Variants in WDR12 observed in about 807,000 individuals in gnomAD.
The protein encoded by WDR12 is WD repeat domain 12, also known as ribosome biogenesis protein WDR12.
WDR12 carries 42 observed loss-of-function variants against 64.3 expected under a neutral mutation model. The observed-to-expected ratio is 0.65, with a 90% CI of 0.51 to 0.84. The LOEUF is 0.84. WDR12 is among the 40% of genes least tolerant of loss of function. The probability of loss-of-function intolerance (pLI) is 0.00; values close to 1 mark genes in which losing one functional copy is unlikely to be tolerated. For synonymous variants in WDR12, 158 were observed against 173.3 expected (o/e 0.91, Z 0.70); for missense variants, 469 against 494.6 (o/e 0.95, Z 0.49).
chr2:202,888,752 G>C (rs371107137), intron 8 of WDR12, among the ~76,000 whole-genome samples: 1 of 151,786 alleles, frequency 6.6e-6, no homozygotes, highest in African/African-American at 2.4e-5. Context: ...TCACTCTGTC[G>C]CCCAAACTGG....
In WDR12 at chr2:202,894,452, C is replaced by T. The variant is rs894444084; in HGVS notation, c.655+129G>A. ...GCCTAGGCTGCTCTTGAACTCGTGGCCTCAAGTGATCCTTCTACCCTGGCT... is the reference window on the plus strand; with the variant it reads ...GCCTAGGCTGCTCTTGAACTCGTGGTCTCAAGTGATCCTTCTACCCTGGCT... On this transcript the variant is annotated intron_variant, in intron 7 of 12. Transcript: ENST00000261015. 3 of 691,258 alleles carry T rather than the reference C, an allele frequency of 4.3e-6. No homozygotes were observed. In the Admixed American group the frequency reaches 1.0e-4, roughly 23 times the overall value. The allele number at this position is 691,258 out of a possible 1,614,324, so 42.8% of individuals were successfully genotyped here. A position where few individuals can be genotyped will look rare whatever the true frequency, so the allele number is the denominator to read the frequency against.
intron 6 of WDR12, among the ~76,000 whole-genome samples, chr2:202,895,697 T>A (rs1175322121): frequency 1.1e-4 from 17 of 149,832 alleles, no homozygotes; most frequent in African/African-American, 2.2e-4. Context: ...TTATTTTTTT[T>A]TTTTTTTTTT....
chr2:202,883,596 A>G lies in WDR12; in HGVS notation c.1121+13T>C. On this transcript the variant is annotated intron_variant, in intron 11 of 12. Transcript: ENST00000261015. ...TTGATATGTTTCTCTTATAGATCAT[A>G]AATAGAATTTACCTTCTTGTATCCC... 6.2e-7 allele frequency: 1 copy of G among 1,611,686 alleles called. No individual in the cohort carries two copies. Among genetic ancestry groups the G allele is most frequent in the South Asian group, 1.1e-5 (1 of 90,786 alleles).
chr2:202,881,178 T>C (rs971454170), intron 12 of WDR12, among the ~76,000 whole-genome samples: 8 of 152,210 alleles, frequency 5.3e-5, no homozygotes, highest in African/African-American at 1.9e-4. Flanking sequence ...GCTGTTGCAC[T>C]TTCTATAAAG....
At chr2:202,903,835 T>C (rs1176616466) in intron 2 of WDR12, among the ~76,000 whole-genome samples, 1 of 151,656 alleles carries the variant, frequency 6.6e-6, no homozygotes, top group Non-Finnish European at 1.5e-5. Context: ...CTATAAAACA[T>C]CGATGAAAGA....
chr2:202,897,908 A>AATATATATACATATAT (rs1688279566), intron 4 of WDR12, among the ~76,000 whole-genome samples: 1 of 40,054 alleles, frequency 2.5e-5, no homozygotes, highest in Non-Finnish European at 5.0e-5. Context: ...AAAAAAAAAA[A>AATATATATACATATAT]ATATATATAT....
At position 202,876,807 on chromosome 2, in the gene WDR12, C is replaced by A. The variant is rs955980138; in HGVS notation, c.*4053G>T. 6.6e-6 allele frequency: 1 copy of A among 152,142 alleles called. No homozygotes were observed. The highest frequency in any genetic ancestry group is 1.5e-5 in the Non-Finnish European group (1 of 68,046). 9.4% of individuals were successfully genotyped at this position (152,142 alleles called of 1,614,324 possible). On this transcript the variant is annotated 3_prime_UTR_variant, in exon 13 of 13. Coordinates refer to ENST00000261015, the MANE Select transcript of WDR12 (RefSeq NM_018256.4). ...AAAATCAGCCAGATGTGGTGACATGCGCCTGTGGTCCTAGTTAGGAGGATG... is the reference window on the plus strand; with the variant it reads ...AAAATCAGCCAGATGTGGTGACATGAGCCTGTGGTCCTAGTTAGGAGGATG...
At position 202,897,348 on chromosome 2, in the gene WDR12, T is replaced by C. The variant is rs200857010; in HGVS notation, c.406A>G (p.Ile136Val). 1.6e-5 allele frequency: 26 copies of C among 1,599,126 alleles called. No individual in the cohort carries two copies. The East Asian group carries it at 5.1e-4, about 31-fold the overall frequency. The part of the protein sequence containing the change: ...WSLEGKSIMT[I>V]VGHTDVVKDV... ...TTTACAACATCCGTATGTCCCACAATTGTCATTATTGACTTTCCTTCCAAG... is the reference window on the plus strand; with the variant it reads ...TTTACAACATCCGTATGTCCCACAACTGTCATTATTGACTTTCCTTCCAAG... Residue 136 changes from isoleucine (I) to valine (V), a missense_variant, in exon 5 of 13, where the codon ATT becomes GTT. Transcript: ENST00000261015.
At position 202,901,096 on chromosome 2, in the gene WDR12, C is replaced by T. The variant is rs368996373; in HGVS notation, c.160G>A (p.Asp54Asn). The change falls in exon 3 of 13, where the codon GAT (aspartate) becomes AAT (asparagine). Residue 54 changes from aspartate (D) to asparagine (N), a missense_variant. Coordinates refer to ENST00000261015, the MANE Select transcript of WDR12 (RefSeq NM_018256.4). ...AGAAACTGGCCCTTAATAAGGAAATCAAACTCCACATGTTTGTGGAACTCT... is the reference window on the plus strand; with the variant it reads ...AGAAACTGGCCCTTAATAAGGAAATTAAACTCCACATGTTTGTGGAACTCT... The part of the protein sequence containing the change: ...KNEFHKHVEF[D>N]FLIKGQFLRM... 5.0e-6 allele frequency: 8 copies of T among 1,598,792 alleles called. No homozygotes were observed. Among genetic ancestry groups the T allele is most frequent in the Non-Finnish European group, 6.8e-6 (8 of 1,169,590 alleles).
Position 202,879,414 on chromosome 2 carries a change from T to C in WDR12, c.*1446A>G, listed in dbSNP as rs191259735. 19 of 151,842 alleles carry C rather than the reference T, an allele frequency of 1.3e-4. No individual in the cohort carries two copies. Among genetic ancestry groups the C allele is most frequent in the African/African-American group, 4.3e-4 (18 of 41,382 alleles). 9.4% of individuals were successfully genotyped at this position (151,842 alleles called of 1,614,324 possible). A position where few individuals can be genotyped will look rare whatever the true frequency, so the allele number is the denominator to read the frequency against. ...AATATCTTGATGAATTCTTCAAAAA[T>C]TGGCAATCTACTTGTCTTTATTTTG... On this transcript the variant is annotated 3_prime_UTR_variant, in exon 13 of 13. Coordinates refer to ENST00000261015, the MANE Select transcript of WDR12 (RefSeq NM_018256.4).
Position 202,894,565 on chromosome 2 carries a change from TA to T in WDR12, c.655+15del. Reference sequence around the variant, plus strand: ...ACAACATTATTAAGTCAAGGTAAAATAAATATTTAATTTACCTGTAGACCAG... The same window carrying T: ...ACAACATTATTAAGTCAAGGTAAAATAATATTTAATTTACCTGTAGACCAG... On this transcript the variant is annotated intron_variant, in intron 7 of 12. Coordinates refer to ENST00000261015, the MANE Select transcript of WDR12 (RefSeq NM_018256.4). The T allele has an allele frequency of 6.3e-7, 1 of 1,591,074 alleles. No homozygotes were observed. Among genetic ancestry groups the T allele is most frequent in the Non-Finnish European group, 8.5e-7 (1 of 1,170,428 alleles).
chr2:202,896,413 G>A (rs1688243386), intron 5 of WDR12, among the ~76,000 whole-genome samples, 194 bp from the exon 6 acceptor site: 1 of 151,920 alleles, frequency 6.6e-6, no homozygotes, highest in African/African-American at 2.4e-5. Flanking sequence ...ACGATGACTG[G>A]GTGTGGTGGC....
chr2:202,898,870 A>G (rs1418238697), intron 4 of WDR12, among the ~76,000 whole-genome samples: 1 of 151,350 alleles, frequency 6.6e-6, no homozygotes, highest in Non-Finnish European at 1.5e-5. Context: ...CCACCTATTC[A>G]GGAGGCTGAG....
chr2:202,901,135 A>C lies in WDR12; in HGVS notation c.137-16T>G, dbSNP rs747408426. ...TTGTGGAACTCTGAGGAAAATACAT[A>C]ACAAAATTATCACTCTTAGTGTCTA... On this transcript the variant is annotated splice_polypyrimidine_tract_variant and intron_variant, in intron 2 of 12. Coordinates refer to ENST00000261015, the MANE Select transcript of WDR12 (RefSeq NM_018256.4). 1 of 1,577,612 alleles carries C rather than the reference A, an allele frequency of 6.3e-7. No individual in the cohort carries two copies. The highest frequency in any genetic ancestry group is 8.7e-7 in the Non-Finnish European group (1 of 1,153,200).
intron 2 of WDR12, among the ~76,000 whole-genome samples, chr2:202,903,855 GGGCTGGGTGCAGT>G (rs1211780797): frequency 1.3e-5 from 2 of 151,978 alleles, no homozygotes; most frequent in African/African-American, 4.8e-5. Flanking sequence ...ACATTGAAGA[GGGCTGGGTGCAGT>G]GGCTCATGCC....
intron 8 of WDR12, among the ~76,000 whole-genome samples, chr2:202,890,372 G>T (rs970440293): frequency 2.0e-5 from 3 of 152,190 alleles, no homozygotes; most frequent in African/African-American, 7.2e-5. Flanking sequence ...ATTACCTTTA[G>T]GGAGCTACTG....
Position 202,897,325 on chromosome 2 carries a change from T to C in WDR12, c.429A>G (p.Val143=). The C allele has an allele frequency of 3.7e-6, 6 of 1,601,198 alleles. No individual in the cohort carries two copies. The highest frequency in any genetic ancestry group is 5.1e-6 in the Non-Finnish European group (6 of 1,175,014). The change falls in exon 5 of 13, where the codon GTA becomes GTG. Residue 143 remains valine (V), a synonymous_variant. Coordinates refer to ENST00000261015, the MANE Select transcript of WDR12 (RefSeq NM_018256.4). Reference sequence around the variant, plus strand: ...CTTTTTTCACCCAGGCCACATCTTTTACAACATCCGTATGTCCCACAATTG... The same window carrying C: ...CTTTTTTCACCCAGGCCACATCTTTCACAACATCCGTATGTCCCACAATTG... ...IMTIVGHTDV[V]KDVAWVKKDS...
At position 202,895,011 on chromosome 2, in the gene WDR12, G is replaced by A. The variant is rs371601826; in HGVS notation, c.610-385C>T. On this transcript the variant is annotated intron_variant, in intron 6 of 12. Transcript: ENST00000261015. ...GATCTCACAATCCATTTACTTTTAA[G>A]GTTAAATAAGTTCAAGTTGAGTTTC... Among the ~76,000 whole-genome samples, 4 of 152,052 alleles carry A rather than the reference G, an allele frequency of 2.6e-5. 1 individual carries two copies. In the East Asian group the frequency reaches 5.8e-4, roughly 22 times the overall value.
At chr2:202,882,638 A>G in intron 12 of WDR12, 73 bp downstream of exon 12, 2 of 1,514,544 alleles carry the variant, frequency 1.3e-6, no homozygotes, top group Non-Finnish European at 1.8e-6. Flanking sequence ...CGAAACTAAT[A>G]CATTTTATAA....
Sources: gnomAD v4.1 joint callset for allele counts (sites outside exome capture counted in the v4.1 genomes callset) on GRCh38, gnomAD v4.1.1 for gene constraint, MANE v1.5 for transcripts, NCBI Gene and HGNC (gene_info 2026-07-23, HGNC 2026-07-21) for gene names.